MSR1: variants seen among roughly 807,000 people sequenced by gnomAD.
MSR1 encodes macrophage scavenger receptor 1.
In MSR1, 53 loss-of-function variants were observed where a neutral mutation model predicts 47.2. That is an observed-to-expected ratio of 1.12 (90% CI 0.90 to 1.41). The LOEUF (loss-of-function observed/expected upper bound fraction) is 1.41, where lower values mean the gene tolerates loss of function less well. Ranked by LOEUF, MSR1 falls within the 40% of genes most tolerant of loss-of-function variation. The pLI, the probability that MSR1 is intolerant of heterozygous loss-of-function variation, is 0.00. For synonymous variants in MSR1, 239 were observed against 185.6 expected, an observed-to-expected ratio of 1.29 and a Z score of -2.34; for missense variants, 786 against 546.9, an observed-to-expected ratio of 1.44 and a Z score of -4.36.
intron 8 of MSR1, among the ~76,000 whole-genome samples, chr8:16,125,876 C>G (rs2117073732): frequency 6.6e-6 from 1 of 152,168 alleles, no homozygotes; most frequent in Admixed American, 6.5e-5. Context: ...AAGTGATCCT[C>G]CTGCCTTGGC....
At chr8:16,155,523 A>C (rs1800981733) in intron 5 of MSR1, among the ~76,000 whole-genome samples, 1 of 152,052 alleles carries the variant, frequency 6.6e-6, no homozygotes, top group South Asian at 2.1e-4. Flanking sequence ...TAGCTACTAT[A>C]CGGAAAATCT....
chr8:16,176,909 A>G (rs1156716998), intron 2 of MSR1, among the ~76,000 whole-genome samples: 5 of 152,200 alleles, frequency 3.3e-5, no homozygotes, highest in African/African-American at 7.2e-5. Context: ...TTGCTATGTA[A>G]GAACTCATAT....
In MSR1 at chr8:16,175,170, A is replaced by G. The variant is rs1345107098; in HGVS notation, c.217+17T>C. 3 of 1,605,996 alleles carry G rather than the reference A, an allele frequency of 1.9e-6. No individual in the cohort carries two copies. In the South Asian group the frequency reaches 3.3e-5, roughly 18 times the overall value. ...ACGGGACGAGTTACTAAATTTCAAA[A>G]CTCTGGGTTACGTTACCTGCCACTA... is the stretch of plus-strand genomic sequence containing the variant. On this transcript the variant is annotated intron_variant, in intron 3 of 9. Coordinates refer to ENST00000262101, the MANE Select transcript of MSR1 (RefSeq NM_138715.3).
chr8:16,137,499 T>C (rs555634023), intron 8 of MSR1, among the ~76,000 whole-genome samples: 24 of 152,218 alleles, frequency 1.6e-4, no homozygotes, highest in African/African-American at 5.1e-4. Context: ...CCACATGACA[T>C]ATCTGTGATA....
At chr8:16,125,828 G>A (rs1800116178) in intron 8 of MSR1, among the ~76,000 whole-genome samples, 1 of 152,018 alleles carries the variant, frequency 6.6e-6, no homozygotes, top group Non-Finnish European at 1.5e-5. Flanking sequence ...GTGCTGTGGT[G>A]CAGTCATAGC....
rs771088951 is a variant in MSR1 at position 16,110,140 on chromosome 8, C to G, written c.1301G>C (p.Trp434Ser). The G allele has an allele frequency of 6.2e-7, 1 of 1,613,690 alleles. No individual in the cohort carries two copies. The highest frequency in any genetic ancestry group is 1.3e-5 in the African/African-American group (1 of 75,018). Reference sequence around the variant, plus strand: ...AGAATGTGAACAGGCTCTTGTCCCCCATTGCCGAATTTTACATTCTTCAAT... The same window carrying G: ...AGAATGTGAACAGGCTCTTGTCCCCGATTGCCGAATTTTACATTCTTCAAT... ...SSIEECKIRQ[W>S]GTRACSHSED... Residue 434 changes from tryptophan to serine, a missense_variant, in exon 10 of 10, where the codon TGG becomes TCG. Transcript: ENST00000262101.
intron 8 of MSR1, among the ~76,000 whole-genome samples, chr8:16,136,440 A>C (rs1800391554): frequency 6.6e-6 from 1 of 152,164 alleles, no homozygotes; most frequent in Non-Finnish European, 1.5e-5. Flanking sequence ...TGTAGTGTAA[A>C]TATAACTATT....
At chr8:16,152,382 G>T (rs1016292363) in intron 6 of MSR1, among the ~76,000 whole-genome samples, 7 of 152,080 alleles carry the variant, frequency 4.6e-5, no homozygotes, top group Non-Finnish European at 7.4e-5. Flanking sequence ...GCGGGCCAGG[G>T]TAAAGATATA....
chr8:16,146,477 C>G (rs1800701920), intron 7 of MSR1, among the ~76,000 whole-genome samples: 1 of 152,094 alleles, frequency 6.6e-6, no homozygotes, highest in Non-Finnish European at 1.5e-5. Flanking sequence ...ACATCTCCAA[C>G]CCTTATCAAC....
intron 2 of MSR1, among the ~76,000 whole-genome samples, chr8:16,177,343 C>A (rs1383340015): frequency 6.6e-6 from 1 of 151,886 alleles, no homozygotes; most frequent in Non-Finnish European, 1.5e-5. Flanking sequence ...GAAGACCATA[C>A]GAAGAAGGCG....
rs766853465 is a variant in MSR1 at position 16,164,160 on chromosome 8, T to G, written c.722A>C (p.Lys241Thr). 6 of 1,612,138 alleles carry G rather than the reference T, an allele frequency of 3.7e-6. No homozygotes were observed. In the African/African-American group the frequency reaches 6.7e-5, roughly 18 times the overall value. ...GTTATTCAGTACTTTCACTTCTCCTTTTATTTCCTGTTCCAAATGCACTTG... is the reference window on the plus strand; with the variant it reads ...GTTATTCAGTACTTTCACTTCTCCTGTTATTTCCTGTTCCAAATGCACTTG... ...EEQVHLEQEIKGEVKVLNNIT... is the reference protein window; with the variant it reads ...EEQVHLEQEITGEVKVLNNIT... The change falls in exon 5 of 10, where the codon AAA becomes ACA. Residue 241 changes from lysine (K) to threonine (T), a missense_variant. Physicochemically the swap from Lys to Thr is moderately conservative, Grantham distance 78. Transcript: ENST00000262101.
Position 16,139,696 on chromosome 8 carries a change from T to G in MSR1, c.1033+3862A>C, listed in dbSNP as rs1441901790. On this transcript the variant is annotated intron_variant, in intron 8 of 9. Transcript: ENST00000262101. ...GGTAATACATGAAAAGTTTTATTTT[T>G]GGTTTAAATGGGTTGGATAAATTGC... 9 of 970,766 alleles carry G rather than the reference T, an allele frequency of 9.3e-6. No individual in the cohort carries two copies. The African/African-American group carries it at 1.7e-4, about 18-fold the overall frequency. The allele number at this position is 970,766 out of a possible 1,614,324, so 60.1% of individuals were successfully genotyped here.
intron 7 of MSR1, among the ~76,000 whole-genome samples, chr8:16,146,268 C>A (rs1800696339): frequency 1.3e-5 from 2 of 152,064 alleles, no homozygotes; most frequent in South Asian, 2.1e-4. Flanking sequence ...CACTCATTAA[C>A]CTTACACTAT....
intron 8 of MSR1, 66 bp from the exon 9 acceptor site, chr8:16,120,672 C>T (rs1799983255): frequency 1.4e-6 from 2 of 1,479,574 alleles, no homozygotes; most frequent in South Asian, 2.6e-5. Flanking sequence ...GTACATACTG[C>T]TTTACAGCAC....
At chr8:16,113,245 A>G (rs1799803673) in intron 9 of MSR1, among the ~76,000 whole-genome samples, 1 of 150,904 alleles carries the variant, frequency 6.6e-6, no homozygotes, top group Non-Finnish European at 1.5e-5. Flanking sequence ...ACTGTGCCTG[A>G]CCTCCTCTTC....
chr8:16,116,471 C>T (rs1450631175), intron 9 of MSR1, among the ~76,000 whole-genome samples: 1 of 152,070 alleles, frequency 6.6e-6, no homozygotes, highest in Non-Finnish European at 1.5e-5. Flanking sequence ...CTACCATAAA[C>T]AAACAGCCTC....
chr8:16,143,328 T>A (rs1800610672), intron 8 of MSR1, among the ~76,000 whole-genome samples: 1 of 152,102 alleles, frequency 6.6e-6, no homozygotes, highest in Non-Finnish European at 1.5e-5. Context: ...ATAGTATTCA[T>A]CACAAAAACA....
intron 8 of MSR1, among the ~76,000 whole-genome samples, chr8:16,133,842 A>G (rs909042539): frequency 6.6e-6 from 1 of 152,166 alleles, no homozygotes. Context: ...TGATCTGGAC[A>G]CAATAGTTTT....
intron 8 of MSR1, among the ~76,000 whole-genome samples, chr8:16,135,342 T>C (rs1249219074): frequency 6.6e-6 from 1 of 152,158 alleles, no homozygotes; most frequent in East Asian, 1.9e-4. Context: ...TTATGAGTTA[T>C]GCTAAATGTC....
Sources: allele counts gnomAD v4.1 joint callset (sites outside exome capture counted in the v4.1 genomes callset), GRCh38; gene constraint gnomAD v4.1.1; transcripts MANE v1.5; gene names NCBI Gene and HGNC (gene_info 2026-07-23, HGNC 2026-07-21).